The following EBF1 variants were observed in gnomAD, a reference collection of about 807,000 sequenced individuals.
EBF1 encodes the protein EBF transcription factor 1, also known as transcription factor COE1.
In EBF1, 10 loss-of-function variants were observed where a neutral mutation model predicts 68.4. That is an observed-to-expected ratio of 0.15 (90% confidence interval 0.09 to 0.25). EBF1 has a LOEUF of 0.25. Among genes scored for constraint, EBF1 ranks in the 10% least tolerant of loss-of-function variants. EBF1 has a pLI of 1.00. For synonymous variants in EBF1, 298 were observed against 299.8 expected (o/e 0.99, Z 0.06); for missense variants, 509 against 794.4 (o/e 0.64, Z 4.32).
chr5:158,990,798 ATT>A (rs1760152042), intron 6 of EBF1, among the ~76,000 whole-genome samples: 1 of 152,202 alleles, frequency 6.6e-6, no homozygotes, highest in African/African-American at 2.4e-5. Flanking sequence ...GAATTCTACT[ATT>A]CCTATAATGT....
intron 6 of EBF1, among the ~76,000 whole-genome samples, chr5:158,998,198 T>A (rs1023853235): frequency 1.3e-5 from 2 of 152,190 alleles, no homozygotes; most frequent in Non-Finnish European, 2.9e-5. Flanking sequence ...GAGCTTCTTC[T>A]GGCCAGTCTT....
At chr5:158,928,778 A>T (rs1810233921) in intron 6 of EBF1, among the ~76,000 whole-genome samples, 1 of 152,240 alleles carries the variant, frequency 6.6e-6, no homozygotes, top group Admixed American at 6.5e-5. Context: ...GTTTTATTTG[A>T]AACAAGGTAA....
At chr5:159,047,126 G>T (rs1255721531) in intron 6 of EBF1, among the ~76,000 whole-genome samples, 1 of 152,184 alleles carries the variant, frequency 6.6e-6, no homozygotes, top group Non-Finnish European at 1.5e-5. Context: ...GGCTGCATGG[G>T]GCTTAGAGCA....
intron 6 of EBF1, among the ~76,000 whole-genome samples, chr5:158,866,162 G>A (rs959438471): frequency 6.6e-6 from 1 of 152,220 alleles, no homozygotes; most frequent in African/African-American, 2.4e-5. Flanking sequence ...TCTTCCCAGA[G>A]GCCATCCTAG....
intron 6 of EBF1, among the ~76,000 whole-genome samples, chr5:158,866,384 A>G (rs1263332895): frequency 6.6e-6 from 1 of 152,202 alleles, no homozygotes; most frequent in Non-Finnish European, 1.5e-5. Flanking sequence ...CCTAAGGAAC[A>G]TCATCATTTT....
chr5:159,001,853 G>T (rs1019330489), intron 6 of EBF1, among the ~76,000 whole-genome samples: 1 of 152,122 alleles, frequency 6.6e-6, no homozygotes, highest in Non-Finnish European at 1.5e-5. Flanking sequence ...CAGGAGAGTG[G>T]GAGCTAAACA....
At chr5:158,779,121 A>T (rs1217713746) in intron 9 of EBF1, among the ~76,000 whole-genome samples, 1 of 152,190 alleles carries the variant, frequency 6.6e-6, no homozygotes, top group East Asian at 1.9e-4. Context: ...AGACACTGTT[A>T]CTGCAATGTT....
intron 6 of EBF1, among the ~76,000 whole-genome samples, chr5:159,000,224 ATGT>A (rs1000499179): frequency 3.3e-5 from 5 of 152,212 alleles, no homozygotes; most frequent in Non-Finnish European, 5.9e-5. Flanking sequence ...TCATTTAAGA[ATGT>A]TGTTGAAGTA....
chr5:158,931,354 C>T (rs1463270427), intron 6 of EBF1, among the ~76,000 whole-genome samples: 2 of 152,214 alleles, frequency 1.3e-5, no homozygotes, highest in South Asian at 2.1e-4. Context: ...TGTCAATACA[C>T]TTAACTACTG....
chr5:158,966,569 C>T (rs1489325548), intron 6 of EBF1, among the ~76,000 whole-genome samples: 1 of 152,062 alleles, frequency 6.6e-6, no homozygotes, highest in East Asian at 1.9e-4. Flanking sequence ...AAATGATTCA[C>T]CCCGACAAAA....
intron 6 of EBF1, among the ~76,000 whole-genome samples, chr5:159,028,113 T>G (rs1447538764): frequency 6.6e-6 from 1 of 152,110 alleles, no homozygotes; most frequent in Non-Finnish European, 1.5e-5. Context: ...GCTTGAACAA[T>G]CCCAGCAGGC....
At chr5:158,816,321 G>A (rs1349079280) in intron 8 of EBF1, among the ~76,000 whole-genome samples, 2 of 152,226 alleles carry the variant, frequency 1.3e-5, no homozygotes, top group Middle Eastern at 6.3e-3. Context: ...GCATTGGGGT[G>A]GACCCCAAAT....
In EBF1 at chr5:159,054,498, A is replaced by T. The variant is rs538465279; in HGVS notation, c.554+18898T>A. Among the ~76,000 whole-genome samples, 197 of 152,232 alleles carry T rather than the reference A, an allele frequency of 1.3e-3. 1 individual carries two copies. The highest frequency in any genetic ancestry group is 4.5e-3 in the African/African-American group (189 of 41,540). ...TCGTCTCCTCTGCACATAGAAAAAAATTTTTTTCAAGATTTTATGAAATTC... is the reference window on the plus strand; with the variant it reads ...TCGTCTCCTCTGCACATAGAAAAAATTTTTTTTCAAGATTTTATGAAATTC... On this transcript the variant is annotated intron_variant, in intron 6 of 15. Coordinates refer to ENST00000313708, the MANE Select transcript of EBF1 (RefSeq NM_024007.5).
chr5:158,788,759 T>C (rs1405945731), intron 9 of EBF1, among the ~76,000 whole-genome samples: 1 of 152,194 alleles, frequency 6.6e-6, no homozygotes, highest in African/African-American at 2.4e-5. Flanking sequence ...CTTCTGTGGT[T>C]CCTATTTTCA....
At chr5:158,746,835 G>A (rs1173379201) in intron 10 of EBF1, among the ~76,000 whole-genome samples, 1 of 152,186 alleles carries the variant, frequency 6.6e-6, no homozygotes, top group Non-Finnish European at 1.5e-5. Context: ...CAGGAGCAGA[G>A]ATCGGCTTGA....
At chr5:158,704,569 GGAATA>G (rs1757460347) in intron 15 of EBF1, among the ~76,000 whole-genome samples, 1 of 151,832 alleles carries the variant, frequency 6.6e-6, no homozygotes, top group African/African-American at 2.4e-5. Context: ...GGAAAAACGT[GGAATA>G]GAACACTTCA....
chr5:158,868,543 G>A (rs1163001789), intron 6 of EBF1, among the ~76,000 whole-genome samples: 2 of 152,184 alleles, frequency 1.3e-5, no homozygotes, highest in African/African-American at 4.8e-5. Context: ...ATACATTAGA[G>A]AGAAGTTCAC....
chr5:159,022,304 G>A (rs1275171430), intron 6 of EBF1, among the ~76,000 whole-genome samples: 2 of 152,206 alleles, frequency 1.3e-5, no homozygotes, highest in African/African-American at 4.8e-5. Flanking sequence ...GAGGCTGATG[G>A]CTACCCGGCC....
In EBF1 at chr5:158,962,370, G is replaced by A. The variant is rs77387546; in HGVS notation, c.554+111026C>T. On this transcript the variant is annotated intron_variant, in intron 6 of 15. Coordinates refer to ENST00000313708, the MANE Select transcript of EBF1 (RefSeq NM_024007.5). Reference sequence around the variant, plus strand: ...TGAAGCTGCCAAGAGGCTGGGGACCGAGGCAAGCAGAGGACCATATACCCC... The same window carrying A: ...TGAAGCTGCCAAGAGGCTGGGGACCAAGGCAAGCAGAGGACCATATACCCC... 3.6e-3 allele frequency among the ~76,000 whole-genome samples: 543 copies of A among 152,150 alleles called. 2 individuals carry two copies. The highest frequency in any genetic ancestry group is 0.012 in the African/African-American group (507 of 41,532).
Sources: allele counts gnomAD v4.1 joint callset (sites outside exome capture counted in the v4.1 genomes callset), GRCh38; gene constraint gnomAD v4.1.1; transcripts MANE v1.5; gene names NCBI Gene and HGNC (gene_info 2026-07-23, HGNC 2026-07-21).